Variants in SPECC1 observed in about 807,000 individuals in gnomAD.
SPECC1 encodes cytospin-B.
Under a neutral mutation model 104.1 loss-of-function variants are expected in SPECC1, and 62 were observed. The observed-to-expected ratio is 0.60, with a 90% CI of 0.49 to 0.74. The LOEUF (loss-of-function observed/expected upper bound fraction) is 0.74, where lower values mean the gene tolerates loss of function less well. Among genes scored for constraint, SPECC1 ranks in the 30% least tolerant of loss-of-function variants. The pLI is 0.00. For missense variants in SPECC1, 1,306 were observed against 1,310.5 expected (o/e 1.00, Z 0.05); for synonymous variants, 513 against 501.6 (o/e 1.02, Z -0.30).
At chr17:20,206,544 A>G (rs1317230910) in intron 4 of SPECC1, among the ~76,000 whole-genome samples, 1 of 152,208 alleles carries the variant, frequency 6.6e-6, no homozygotes, top group Non-Finnish European at 1.5e-5. Flanking sequence ...ATCATTAAAT[A>G]TTCATTTAAA....
chr17:20,096,437 T>A (rs190314379), intron 1 of SPECC1, among the ~76,000 whole-genome samples, 194 bp from the exon 2 acceptor site: 67 of 152,340 alleles, frequency 4.4e-4, no homozygotes, highest in Admixed American at 4.4e-3. Context: ...TAAAAGCTGT[T>A]ATGGAGTTGT....
intron 1 of SPECC1, among the ~76,000 whole-genome samples, chr17:20,082,645 G>T (rs1337302389): frequency 6.6e-6 from 1 of 151,974 alleles, no homozygotes; most frequent in African/African-American, 2.4e-5. Context: ...TCTTCACATG[G>T]TTATCCCTCT....
chr17:20,179,584 C>T (rs912033002), intron 3 of SPECC1, among the ~76,000 whole-genome samples: 2 of 152,172 alleles, frequency 1.3e-5, no homozygotes, highest in Non-Finnish European at 2.9e-5. Flanking sequence ...GGTTCAAAAG[C>T]TAGGTAGTCA....
chr17:20,297,866 A>G (rs1194364068), intron 13 of SPECC1, among the ~76,000 whole-genome samples: 2 of 152,238 alleles, frequency 1.3e-5, no homozygotes, highest in African/African-American at 4.8e-5. Flanking sequence ...ATCATAAGAA[A>G]ACAGGCAACA....
chr17:20,209,226 A>G (rs1429822393), intron 4 of SPECC1, among the ~76,000 whole-genome samples: 2 of 152,284 alleles, frequency 1.3e-5, no homozygotes, highest in East Asian at 3.9e-4. Flanking sequence ...TATCGGAGTA[A>G]CTGTCCTGTT....
chr17:20,287,278 G>A (rs985235302), intron 12 of SPECC1, among the ~76,000 whole-genome samples: 3 of 151,900 alleles, frequency 2.0e-5, no homozygotes, highest in African/African-American at 4.8e-5. Flanking sequence ...TTAGCCGGGC[G>A]CGGTGGCGGG....
chr17:20,110,733 A>G (rs1034014208), intron 3 of SPECC1, among the ~76,000 whole-genome samples, 171 bp downstream of exon 3: 5 of 152,090 alleles, frequency 3.3e-5, no homozygotes, highest in Non-Finnish European at 5.9e-5. Context: ...GGGAGTTTAC[A>G]TCTATAGAGT....
chr17:20,115,544 ATAAAT>A (rs1156973986), intron 3 of SPECC1, among the ~76,000 whole-genome samples: 1 of 152,190 alleles, frequency 6.6e-6, no homozygotes, highest in Non-Finnish European at 1.5e-5. Flanking sequence ...GGATTCAACA[ATAAAT>A]TAAAAGAACA....
chr17:20,063,459 C>T (rs2046258418), intron 1 of SPECC1, among the ~76,000 whole-genome samples: 2 of 152,144 alleles, frequency 1.3e-5, no homozygotes, highest in Non-Finnish European at 2.9e-5. Flanking sequence ...TCTTGTTAGT[C>T]CTTTCAAAGC....
At chr17:20,043,887 G>A (rs145778473) in intron 1 of SPECC1, among the ~76,000 whole-genome samples, 40 of 152,276 alleles carry the variant, frequency 2.6e-4, no homozygotes, top group African/African-American at 8.9e-4. Context: ...TTTGAAGTTA[G>A]GGAGGTAGAG....
chr17:20,031,953 T>C (rs929348875), intron 1 of SPECC1, among the ~76,000 whole-genome samples: 2 of 152,250 alleles, frequency 1.3e-5, no homozygotes, highest in African/African-American at 4.8e-5. Context: ...AATGCTGCTA[T>C]GAACATGGAT....
At chr17:20,298,948 A>AGAGAGAGAGAGAGAGTGTGTGTGT in intron 13 of SPECC1, among the ~76,000 whole-genome samples, 4 of 49,068 alleles carry the variant, frequency 8.2e-5, no homozygotes, top group Admixed American at 2.1e-4. Flanking sequence ...AGAGAGAGAG[A>AGAGAGAGAGAGAGAGTGTGTGTGT]GTGTGTGTGT....
intron 3 of SPECC1, among the ~76,000 whole-genome samples, chr17:20,171,038 AAC>A (rs1410437968): frequency 6.6e-6 from 1 of 152,242 alleles, no homozygotes; most frequent in Non-Finnish European, 1.5e-5. Context: ...TAAGCAGATA[AAC>A]AGAGTCTATT....
intron 3 of SPECC1, among the ~76,000 whole-genome samples, chr17:20,172,483 G>A (rs936694985): frequency 3.9e-5 from 6 of 152,190 alleles, no homozygotes; most frequent in Admixed American, 3.9e-4. Context: ...CTCTCAGGGG[G>A]CAAGTCTCCT....
At chr17:20,237,130 T>TTGAGC in intron 7 of SPECC1, 1 of 1,383,464 alleles carries the variant, frequency 7.2e-7, no homozygotes, top group East Asian at 2.7e-5. Context: ...CCTCAGAAGA[T>TTGAGC]TGAGCTGTCT....
chr17:20,103,406 C>T (rs1021354673), intron 2 of SPECC1, among the ~76,000 whole-genome samples: 2 of 152,276 alleles, frequency 1.3e-5, no homozygotes, highest in South Asian at 4.1e-4. Context: ...TAACTCTGAT[C>T]GGCAGGGCCT....
intron 7 of SPECC1, among the ~76,000 whole-genome samples, chr17:20,235,053 G>A (rs2038827904): frequency 6.6e-6 from 1 of 152,222 alleles, no homozygotes; most frequent in Non-Finnish European, 1.5e-5. Context: ...CTCATTCTCA[G>A]CCCTGCCTCT....
At chr17:20,310,173 T>C (rs2041892035) in intron 14 of SPECC1, among the ~76,000 whole-genome samples, 1 of 152,206 alleles carries the variant, frequency 6.6e-6, no homozygotes, top group Non-Finnish European at 1.5e-5. Context: ...ATGTCTTTGC[T>C]ATTGTGACTA....
At chr17:20,078,124 ATGTCATTC>A (rs2046832929) in intron 1 of SPECC1, among the ~76,000 whole-genome samples, 1 of 150,792 alleles carries the variant, frequency 6.6e-6, no homozygotes, top group Non-Finnish European at 1.5e-5. Flanking sequence ...AGAGTCAAAC[ATGTCATTC>A]TTTCCCTCTA....
Sources: allele counts gnomAD v4.1 joint callset (sites outside exome capture counted in the v4.1 genomes callset), GRCh38; gene constraint gnomAD v4.1.1; transcripts MANE v1.5; gene names NCBI Gene and HGNC (gene_info 2026-07-23, HGNC 2026-07-21).